Variants in MKI67 observed in about 807,000 individuals in gnomAD.
MKI67 encodes proliferation marker protein Ki-67.
A neutral mutation model predicts 233.5 loss-of-function variants in MKI67; 152 were observed. The observed-to-expected ratio is 0.65, with a 90% confidence interval of 0.57 to 0.74. The LOEUF is 0.74. MKI67 is among the 30% of genes least tolerant of loss of function. MKI67 has a pLI of 0.00. For synonymous variants in MKI67, 1,465 were observed against 1,418.5 expected, an observed-to-expected ratio of 1.03 and a Z score of -0.74; for missense variants, 3,940 against 3,885.2, an observed-to-expected ratio of 1.01 and a Z score of -0.37.
Position 128,107,956 on chromosome 10 carries a change from G to A in MKI67, c.3884C>T (p.Ala1295Val), listed in dbSNP as rs763990302. ...CRNLMPSAGK[A>V]MHTPKPSVGE... ...TACTGATGGTTTAGGCGTGTGCATG[G>A]CTTTGCCTGCTGATGGCATTAGATT... Residue 1295 changes from alanine (A) to valine (V), a missense_variant, in exon 13 of 15, where the codon GCC (alanine) becomes GTC (valine). Transcript: ENST00000368654. 8.1e-6 allele frequency: 13 copies of A among 1,613,684 alleles called. No homozygotes were observed. Among genetic ancestry groups the A allele is most frequent in the African/African-American group, 8.0e-5 (6 of 74,770 alleles).
At chr10:128,110,669 C>A in intron 11 of MKI67, 136 bp from the exon 12 acceptor site, 1 of 555,908 alleles carries the variant, frequency 1.8e-6, no homozygotes, top group Non-Finnish European at 3.1e-6. Flanking sequence ...ACATAGGCCT[C>A]ATAAAAAGAG....
intron 2 of MKI67, among the ~76,000 whole-genome samples, chr10:128,123,666 T>C (rs1218348573): frequency 6.6e-6 from 1 of 152,250 alleles, no homozygotes; most frequent in Non-Finnish European, 1.5e-5. Context: ...TTCAATTAAA[T>C]GGTTGTACAT....
In MKI67 at chr10:128,102,696, C is replaced by G. The variant is rs1416762808; in HGVS notation, c.9144G>C (p.Met3048Ile). 1.2e-6 allele frequency: 2 copies of G among 1,614,240 alleles called. No individual in the cohort carries two copies. The highest frequency in any genetic ancestry group is 2.7e-5 in the African/African-American group (2 of 75,060). Residue 3048 changes from methionine (M) to isoleucine (I), a missense_variant, in exon 13 of 15, where the codon ATG becomes ATC. By Grantham distance (10) the Met-to-Ile change is conservative. Coordinates refer to ENST00000368654, the MANE Select transcript of MKI67 (RefSeq NM_002417.5). ...TTGCAGAAGTCCTCAAACTTCTCTT[C>G]ATGATGACCACGGGTTCGGATGATT... ...RGKSSEPVVI[M>I]KRSLRTSAKR...
rs1564998382 is a variant in MKI67 at position 128,102,893 on chromosome 10, A to ATTTT, written c.8943_8946dup (p.Ser2983LysfsTer79). On this transcript the variant is annotated frameshift_variant, in exon 13 of 15. Transcript: ENST00000368654. LOFTEE classifies it high-confidence loss of function. ...AGGGAAGTGTTGCTTTTGCTTTGTG[A>ATTTT]TTTTACAGGGTCTCTGGTGCTTACC... 3 of 1,613,922 alleles carry ATTTT rather than the reference A, an allele frequency of 1.9e-6. No homozygotes were observed. The highest frequency in any genetic ancestry group is 3.3e-5 in the Admixed American group (2 of 60,010).
chr10:128,119,389 CT>C (rs1263863592), intron 4 of MKI67, 70 bp from the exon 5 acceptor site: 4 of 1,042,704 alleles, frequency 3.8e-6, no homozygotes, highest in Admixed American at 2.0e-5. Context: ...TCCATATCCA[CT>C]TAATGTCCAA....
rs558554281 is a variant in MKI67, at chr10:128,113,750, G to A, written c.1481-148C>T. 2.2e-5 allele frequency: 16 copies of A among 715,370 alleles called. 1 individual carries two copies. The South Asian group carries it at 3.0e-4, about 13-fold the overall frequency. 44.3% of individuals were successfully genotyped at this position (715,370 alleles called of 1,614,324 possible). On this transcript the variant is annotated intron_variant, in intron 7 of 14. Coordinates refer to ENST00000368654, the MANE Select transcript of MKI67 (RefSeq NM_002417.5). ...ACGCCTCTATTCTTGCAATCCTGGT[G>A]AAGCTAAGCTACTAAGAGTTCCTAA... is the stretch of plus-strand genomic sequence containing the variant.
chr10:128,119,802 T>C (rs926386061), intron 4 of MKI67, among the ~76,000 whole-genome samples: 2 of 152,186 alleles, frequency 1.3e-5, no homozygotes, highest in Admixed American at 6.5e-5. Context: ...TACAAACCTA[T>C]ATTTTAGAAC....
In MKI67 at chr10:128,101,213, A is replaced by G. The variant is rs747092638; in HGVS notation, c.9705+45T>C. ...GCAACCTTGGGCAAAAAATACATCA[A>G]AACATTCTGTGTCTTTTAAAACAGG... On this transcript the variant is annotated intron_variant, in intron 14 of 14. Coordinates refer to ENST00000368654, the MANE Select transcript of MKI67 (RefSeq NM_002417.5). The G allele has an allele frequency of 1.8e-5, 28 of 1,575,598 alleles. No individual in the cohort carries two copies. In the South Asian group the frequency reaches 2.9e-4, roughly 16 times the overall value.
intron 13 of MKI67, 87 bp from the exon 14 acceptor site, chr10:128,101,788 C>A: frequency 9.9e-7 from 1 of 1,007,568 alleles, no homozygotes. Context: ...CAACAGTAAC[C>A]TAAAAGGAGA....
chr10:128,123,622 A>G, intron 2 of MKI67, among the ~76,000 whole-genome samples: 1 of 152,342 alleles, frequency 6.6e-6, no homozygotes, highest in Non-Finnish European at 1.5e-5. Context: ...CATATACAAT[A>G]AAGAAATTAC....
rs202200511 is a variant in MKI67, at chr10:128,104,181, G to A, written c.7659C>T (p.Ala2553=). 1.3e-5 allele frequency: 21 copies of A among 1,613,430 alleles called. No homozygotes were observed. Among genetic ancestry groups the A allele is most frequent in the Non-Finnish European group, 1.8e-5 (21 of 1,179,838 alleles). ...AGTCAACCAGGTCTTCTAGAGCACG[G>A]GCCTTTTCCTTACGAGTTCTCAGCT... The part of the protein sequence containing the change: ...RRQLRTRKEK[A]RALEDLVDFK... The change falls in exon 13 of 15, where the codon GCC becomes GCT. Residue 2553 remains alanine (A), a synonymous_variant. Transcript: ENST00000368654.
At position 128,105,808 on chromosome 10, in the gene MKI67, T is replaced by C. The variant is rs764479015; in HGVS notation, c.6032A>G (p.Glu2011Gly). The C allele has an allele frequency of 1.2e-6, 2 of 1,614,112 alleles. No individual in the cohort carries two copies. Among genetic ancestry groups the C allele is most frequent in the Non-Finnish European group, 1.7e-6 (2 of 1,180,046 alleles). The change falls in exon 13 of 15, where the codon GAG becomes GGG. Residue 2011 changes from glutamate to glycine, a missense_variant. Physicochemically the swap from Glu to Gly is moderately conservative, Grantham distance 98. Transcript: ENST00000368654. The stretch of plus-strand genomic sequence containing the variant: ...TGTGAGCTTGCCGACTGGTAGGACC[T>C]CTTCTTTCACACCTACTTTCCCCAA... ...ISLGKVGVKE[E>G]VLPVGKLTQT...
At position 128,108,476 on chromosome 10, in the gene MKI67, C is replaced by A. The variant is rs1852580634; in HGVS notation, c.3364G>T (p.Glu1122Ter). Reference protein sequence around the residue: ...PGPSEESMTDEKTTKIACKSP... With the variant: ...PGPSEESMTD ...TTGCAGGCTATTTTGGTAGTTTTCT[C>A]ATCAGTCATTGATTCCTCAGAGGGA... is the stretch of plus-strand genomic sequence containing the variant. Residue 1122 changes from glutamate to a stop codon, truncating the protein, a stop_gained, in exon 13 of 15, where the codon GAG becomes TAG. Coordinates refer to ENST00000368654, the MANE Select transcript of MKI67 (RefSeq NM_002417.5). LOFTEE classifies it high-confidence loss of function. The A allele has an allele frequency of 6.2e-7, 1 of 1,613,760 alleles. No homozygotes were observed. Among genetic ancestry groups the A allele is most frequent in the South Asian group, 1.1e-5 (1 of 91,076 alleles).
rs144335822 is a variant in MKI67 at position 128,101,370 on chromosome 10, A to T, written c.9593T>A (p.Met3198Lys). 154 of 1,614,148 alleles carry T rather than the reference A, an allele frequency of 9.5e-5. No individual in the cohort carries two copies. The highest frequency in any genetic ancestry group is 1.2e-4 in the Non-Finnish European group (140 of 1,180,004). Residue 3198 changes from methionine (M) to lysine (K), a missense_variant, in exon 14 of 15, where the codon ATG becomes AAG. Physicochemically the swap from Met to Lys is moderately conservative, Grantham distance 95. Transcript: ENST00000368654. ...GKGEAGNSDS[M>K]CLRSRKTKSQ... ...TTTTGTCTTTCTTGATCTCAGGCACATGGAGTCTGAATTTCCTGCTTCTCC... is the reference window on the plus strand; with the variant it reads ...TTTTGTCTTTCTTGATCTCAGGCACTTGGAGTCTGAATTTCCTGCTTCTCC...
At position 128,115,158 on chromosome 10, in the gene MKI67, T is replaced by C; in HGVS notation, c.1250A>G (p.Asn417Ser). Residue 417 changes from asparagine (N) to serine (S), a missense_variant, in exon 7 of 15, where the codon AAT (asparagine) becomes AGT (serine). By Grantham distance (46) the Asn-to-Ser change is conservative. Coordinates refer to ENST00000368654, the MANE Select transcript of MKI67 (RefSeq NM_002417.5). Reference sequence around the variant, plus strand: ...ACTTCCTCTGGTTTTGGAAGAGAGATTTTCTGGCTTAGTGGCAGAGTCAGC... The same window carrying C: ...ACTTCCTCTGGTTTTGGAAGAGAGACTTTCTGGCTTAGTGGCAGAGTCAGC... ...DAADSATKPE[N>S]LSSKTRGSIP... The C allele has an allele frequency of 6.2e-7, 1 of 1,614,192 alleles. No homozygotes were observed. Among genetic ancestry groups the C allele is most frequent in the East Asian group, 2.2e-5 (1 of 44,882 alleles).
At position 128,108,312 on chromosome 10, in the gene MKI67, C is replaced by T. The variant is rs530249657; in HGVS notation, c.3528G>A (p.Thr1176=). ...TCTCATCACCTCCTGCTGGTTTGGG[C>T]GTAAGCATGGCTTTCCCTGCTGATG... ...LTPSAGKAML[T]PKPAGGDEKD... Residue 1176 remains threonine, a synonymous_variant, in exon 13 of 15, where the codon ACG becomes ACA. Transcript: ENST00000368654. The T allele has an allele frequency of 3.2e-5, 52 of 1,614,054 alleles. No homozygotes were observed. The South Asian group carries it at 4.8e-4, about 15-fold the overall frequency.
chr10:128,122,850 T>A (rs1254267841), intron 4 of MKI67, 31 bp downstream of exon 4: 1 of 1,105,448 alleles, frequency 9.0e-7, no homozygotes, highest in African/African-American at 1.6e-5. Flanking sequence ...GAAGATGACA[T>A]TTACTGTTAG....
At chr10:128,116,129 C>T (rs1330568508) in intron 6 of MKI67, 122 bp from the exon 7 acceptor site, 1 of 1,157,438 alleles carries the variant, frequency 8.6e-7, no homozygotes. Context: ...ACTTGGCCTA[C>T]AAATTATTTA....
rs556858886 is a variant in MKI67 at position 128,115,633 on chromosome 10, G to A, written c.775C>T (p.Gln259Ter). The A allele has an allele frequency of 1.2e-6, 2 of 1,613,804 alleles. No homozygotes were observed. The highest frequency in any genetic ancestry group is 2.7e-5 in the African/African-American group (2 of 74,978). ...DVKSQKENVL[Q>*]YCRKSGLQTD... ...TGTAATCCAGATTTTCTACAATACTGTAGGACATTTTCTTTTTGTGATTTT... is the reference window on the plus strand; with the variant it reads ...TGTAATCCAGATTTTCTACAATACTATAGGACATTTTCTTTTTGTGATTTT... Residue 259 changes from glutamine to a stop codon, truncating the protein, a stop_gained, in exon 7 of 15, where the codon CAG (glutamine) becomes TAG (stop). Transcript: ENST00000368654. LOFTEE classifies it high-confidence loss of function.
Sources: gnomAD v4.1 joint callset for allele counts (sites outside exome capture counted in the v4.1 genomes callset) on GRCh38, gnomAD v4.1.1 for gene constraint, MANE v1.5 for transcripts, NCBI Gene and HGNC (gene_info 2026-07-23, HGNC 2026-07-21) for gene names.